DPYS: variants seen among roughly 807,000 people sequenced by gnomAD.
DPYS encodes dihydropyrimidinase.
A neutral mutation model predicts 50.3 loss-of-function variants in DPYS; 39 were observed. The observed-to-expected ratio is 0.78, with a 90% confidence interval of 0.60 to 1.01. DPYS has a LOEUF of 1.01. Among genes scored for constraint, DPYS ranks in the 50% least tolerant of loss-of-function variants. The probability of loss-of-function intolerance (pLI) is 0.00; values close to 1 mark genes in which losing one functional copy is unlikely to be tolerated. For synonymous variants in DPYS, 245 were observed against 250.7 expected (o/e 0.98, Z 0.22); for missense variants, 659 against 680.9 (o/e 0.97, Z 0.36).
At chr8:104,435,545 T>C (rs1377044162) in intron 4 of DPYS, among the ~76,000 whole-genome samples, 2 of 151,740 alleles carry the variant, frequency 1.3e-5, no homozygotes, top group Non-Finnish European at 2.9e-5. Flanking sequence ...ACCAGCCTAA[T>C]AGTTACTCAA....
rs181330204 is a variant in DPYS at position 104,425,406 on chromosome 8, A to G, written c.1093-1017T>C. Among the ~76,000 whole-genome samples, 365 of 152,058 alleles carry G rather than the reference A, an allele frequency of 2.4e-3. 1 individual carries two copies. Among genetic ancestry groups the G allele is most frequent in the African/African-American group, 8.3e-3 (343 of 41,506 alleles). ...TGTTTTGCCATCACTTTTAATGGCAAAAACTGCAATTACTTTTGCACCAAC... is the reference window on the plus strand; with the variant it reads ...TGTTTTGCCATCACTTTTAATGGCAGAAACTGCAATTACTTTTGCACCAAC... On this transcript the variant is annotated intron_variant, in intron 6 of 9. Coordinates refer to ENST00000351513, the MANE Select transcript of DPYS (RefSeq NM_001385.3).
chr8:104,440,294 C>CTTTTTTTTTTTTTTTTTTTTTTT (rs1564105066), intron 4 of DPYS, among the ~76,000 whole-genome samples: 3 of 152,062 alleles, frequency 2.0e-5, no homozygotes, highest in African/African-American at 7.3e-5. Flanking sequence ...AATTGGATCT[C>CTTTTTTTTTTTTTTTTTTTTTTT]CTTTGTGCCT....
intron 4 of DPYS, among the ~76,000 whole-genome samples, chr8:104,434,036 T>G (rs1564102211): frequency 6.6e-6 from 1 of 152,134 alleles, no homozygotes; most frequent in Non-Finnish European, 1.5e-5. Flanking sequence ...CCAAGGTGGT[T>G]GGGGCACAGT....
intron 6 of DPYS, among the ~76,000 whole-genome samples, chr8:104,426,234 A>T (rs1363756780): frequency 6.6e-6 from 1 of 152,216 alleles, no homozygotes; most frequent in Non-Finnish European, 1.5e-5. Flanking sequence ...GGAGGCAAGT[A>T]AAGGGTTTTT....
chr8:104,452,283 C>A (rs956695657), intron 1 of DPYS, among the ~76,000 whole-genome samples: 1 of 152,138 alleles, frequency 6.6e-6, no homozygotes, highest in Non-Finnish European at 1.5e-5. Context: ...ACTAAAATCA[C>A]AAGATGGTTA....
At chr8:104,466,052 T>G (rs1814375548) in intron 1 of DPYS, among the ~76,000 whole-genome samples, 1 of 152,038 alleles carries the variant, frequency 6.6e-6, no homozygotes. Context: ...GCTATATTTT[T>G]TCTACTGGGG....
chr8:104,421,237 A>C (rs2140609306), intron 7 of DPYS: 1 of 152,342 alleles, frequency 6.6e-6, no homozygotes, highest in South Asian at 2.1e-4. Context: ...CACATACAAA[A>C]ATGTAAATAT....
At chr8:104,444,934 G>A (rs1011052715) in intron 3 of DPYS, among the ~76,000 whole-genome samples, 2 of 152,102 alleles carry the variant, frequency 1.3e-5, no homozygotes, top group African/African-American at 4.8e-5. Flanking sequence ...TTAATAATCT[G>A]ATTTAAAAAT....
intron 7 of DPYS, chr8:104,421,120 G>A (rs1238995823): frequency 6.6e-6 from 1 of 152,042 alleles, no homozygotes; most frequent in Non-Finnish European, 1.5e-5. Flanking sequence ...GCCTATGCTG[G>A]TTTTCCTTAT....
intron 7 of DPYS, among the ~76,000 whole-genome samples, chr8:104,411,076 T>C (rs1202605257): frequency 3.3e-5 from 5 of 152,222 alleles, no homozygotes; most frequent in African/African-American, 1.2e-4. Flanking sequence ...CTGGTACTGA[T>C]GTGTTGAGCT....
intron 7 of DPYS, among the ~76,000 whole-genome samples, chr8:104,405,127 G>C (rs375806558): frequency 7.9e-5 from 12 of 152,222 alleles, no homozygotes; most frequent in African/African-American, 2.9e-4. Context: ...AGAGGGACAC[G>C]AATGACTGTC....
chr8:104,388,551 TG>T (rs761307884), intron 8 of DPYS, among the ~76,000 whole-genome samples: 45 of 152,256 alleles, frequency 3.0e-4, no homozygotes, highest in Non-Finnish European at 6.2e-4. Flanking sequence ...AGGATTCTCT[TG>T]AACATCCAAG....
chr8:104,455,679 C>T (rs1564113986), intron 1 of DPYS, among the ~76,000 whole-genome samples: 1 of 151,962 alleles, frequency 6.6e-6, no homozygotes, highest in South Asian at 2.1e-4. Flanking sequence ...CGAGACTGGC[C>T]GAAATGGCCA....
chr8:104,441,448 T>C (rs1483234220), intron 4 of DPYS, among the ~76,000 whole-genome samples: 1 of 152,226 alleles, frequency 6.6e-6, no homozygotes, highest in East Asian at 1.9e-4. Context: ...ATAGATATGA[T>C]TAAATTAAGG....
intron 2 of DPYS, among the ~76,000 whole-genome samples, chr8:104,449,005 C>T (rs1813637247): frequency 6.6e-6 from 1 of 152,168 alleles, no homozygotes; most frequent in South Asian, 2.1e-4. Context: ...AGAACAGTGC[C>T]TGGTGCATAG....
chr8:104,407,451 G>C (rs551996310), intron 7 of DPYS, among the ~76,000 whole-genome samples: 1 of 152,122 alleles, frequency 6.6e-6, no homozygotes, highest in African/African-American at 2.4e-5. Flanking sequence ...AAAAAAGGAC[G>C]GTACCATGTA....
At chr8:104,410,150 C>T (rs1048450067) in intron 7 of DPYS, among the ~76,000 whole-genome samples, 1 of 152,216 alleles carries the variant, frequency 6.6e-6, no homozygotes, top group African/African-American at 2.4e-5. Flanking sequence ...TCTGACTCCT[C>T]TCTTTCAGTC....
chr8:104,422,230 C>A lies in DPYS; in HGVS notation c.1235+2017G>T, dbSNP rs149194153. Among the ~76,000 whole-genome samples, 372 of 152,302 alleles carry A rather than the reference C, an allele frequency of 2.4e-3. 1 individual carries two copies. Among genetic ancestry groups the A allele is most frequent in the African/African-American group, 8.4e-3 (350 of 41,560 alleles). On this transcript the variant is annotated intron_variant, in intron 7 of 9. Transcript: ENST00000351513. ...AATTAGACTGAAGAGTCTCACCACA[C>A]AATAAAGTATTTTCATTTTTTCCCT...
intron 4 of DPYS, among the ~76,000 whole-genome samples, chr8:104,439,702 C>T (rs554081607): frequency 6.6e-6 from 1 of 152,248 alleles, no homozygotes; most frequent in African/African-American, 2.4e-5. Context: ...GGAGGATCAT[C>T]TGAGCACAGG....
Sources: gnomAD v4.1 joint callset for allele counts (sites outside exome capture counted in the v4.1 genomes callset) on GRCh38, gnomAD v4.1.1 for gene constraint, MANE v1.5 for transcripts, NCBI Gene and HGNC (gene_info 2026-07-23, HGNC 2026-07-21) for gene names.